The following GLIS3 variants were observed in gnomAD, a reference collection of about 807,000 sequenced individuals.
GLIS3 encodes zinc finger protein GLIS3.
A neutral mutation model predicts 78.6 loss-of-function variants in GLIS3; 53 were observed. That is an observed-to-expected ratio of 0.67 (90% confidence interval 0.54 to 0.85). GLIS3 has a LOEUF of 0.85. Ranked by LOEUF, GLIS3 falls within the 40% of genes least tolerant of loss-of-function variation. GLIS3 has a pLI of 0.00. For synonymous variants in GLIS3, 684 were observed against 509.9 expected (o/e 1.34, Z -4.60); for missense variants, 1,703 against 1,231.1 (o/e 1.38, Z -5.74).
chr9:4,374,103 A>G, the GLIS3 span, among the ~76,000 whole-genome samples: 1 of 152,210 alleles, frequency 6.6e-6, no homozygotes, highest in African/African-American at 2.4e-5. Flanking sequence ...AAATCTGTCC[A>G]CCTGTATTCC....
the GLIS3 span, among the ~76,000 whole-genome samples, chr9:4,474,737 C>G: frequency 1.3e-5 from 2 of 148,322 alleles, no homozygotes; most frequent in Non-Finnish European, 3.0e-5. Context: ...TGTTCTGTCA[C>G]CCAGGCTGGA....
At chr9:4,265,500 G>C (rs559375838) in intron 2 of GLIS3, among the ~76,000 whole-genome samples, 1 of 152,194 alleles carries the variant, frequency 6.6e-6, no homozygotes, top group South Asian at 2.1e-4. Flanking sequence ...CCACTATGCT[G>C]TGCTATATAC....
At chr9:4,077,835 T>C (rs1346027395) in intron 4 of GLIS3, among the ~76,000 whole-genome samples, 1 of 152,190 alleles carries the variant, frequency 6.6e-6, no homozygotes, top group Non-Finnish European at 1.5e-5. Context: ...CCAGCCTCCT[T>C]AGCAGTCTCT....
At chr9:4,229,346 T>G (rs139198804) in intron 2 of GLIS3, among the ~76,000 whole-genome samples, 6 of 152,250 alleles carry the variant, frequency 3.9e-5, no homozygotes, top group Non-Finnish European at 5.9e-5. Flanking sequence ...TTGAAAACAA[T>G]AGTTAATATT....
intron 4 of GLIS3, among the ~76,000 whole-genome samples, chr9:3,988,794 A>G (rs1001252514): frequency 2.0e-5 from 3 of 152,200 alleles, no homozygotes; most frequent in Non-Finnish European, 2.9e-5. Context: ...TGTAAGAAAC[A>G]GCACCATACA....
chr9:4,153,631 G>A (rs1002960989), intron 2 of GLIS3, among the ~76,000 whole-genome samples: 5 of 152,032 alleles, frequency 3.3e-5, no homozygotes, highest in African/African-American at 1.2e-4. Flanking sequence ...GAGAACAGAA[G>A]TATAAAATCA....
At chr9:4,092,203 G>A (rs897758548) in intron 4 of GLIS3, among the ~76,000 whole-genome samples, 2 of 148,392 alleles carry the variant, frequency 1.3e-5, no homozygotes, top group Non-Finnish European at 3.0e-5. Context: ...TCAGACTGGA[G>A]TGGAGTGGCG....
the GLIS3 span, among the ~76,000 whole-genome samples, chr9:4,409,211 T>C: frequency 3.3e-5 from 5 of 152,180 alleles, no homozygotes; most frequent in African/African-American, 1.2e-4. Context: ...TTGGAGTCTG[T>C]TGTTACCAGA....
intron 2 of GLIS3, among the ~76,000 whole-genome samples, chr9:4,276,157 C>T (rs1448780454): frequency 6.6e-6 from 1 of 151,006 alleles, no homozygotes; most frequent in Admixed American, 6.6e-5. Flanking sequence ...GTGACACATG[C>T]CTGTGGTCCC....
intron 4 of GLIS3, among the ~76,000 whole-genome samples, chr9:3,996,404 ATAGAT>A (rs2129856309): frequency 6.6e-6 from 1 of 152,316 alleles, no homozygotes; most frequent in South Asian, 2.1e-4. Flanking sequence ...AAATAGATAG[ATAGAT>A]TCTGGAGGAT....
At chr9:4,365,558 AAAAAAAG>A in the GLIS3 span, among the ~76,000 whole-genome samples, 4 of 151,826 alleles carry the variant, frequency 2.6e-5, no homozygotes, top group Admixed American at 2.0e-4. Context: ...TCCATCTCAA[AAAAAAAG>A]AAAAAAGAAA....
the GLIS3 span, among the ~76,000 whole-genome samples, chr9:4,468,801 G>A: frequency 6.6e-6 from 1 of 152,194 alleles, no homozygotes; most frequent in Non-Finnish European, 1.5e-5. Flanking sequence ...AACCTTAAAT[G>A]TAAATGGGCT....
At chr9:4,283,140 T>C (rs903063598) in intron 2 of GLIS3, among the ~76,000 whole-genome samples, 4 of 152,010 alleles carry the variant, frequency 2.6e-5, no homozygotes, top group African/African-American at 7.2e-5. Flanking sequence ...CTTTGCAGGA[T>C]TGCAAAGCTA....
chr9:4,379,401 G>C, the GLIS3 span, among the ~76,000 whole-genome samples: 1 of 152,216 alleles, frequency 6.6e-6, no homozygotes, highest in Non-Finnish European at 1.5e-5. Flanking sequence ...AAATGCTAAA[G>C]ATAACAACAT....
At chr9:3,873,634 C>T (rs945139745) in intron 8 of GLIS3, among the ~76,000 whole-genome samples, 1 of 151,522 alleles carries the variant, frequency 6.6e-6, no homozygotes, top group African/African-American at 2.4e-5. Flanking sequence ...CATCATATGC[C>T]CCATAAATTT....
chr9:3,865,685 A>T (rs1283915038), intron 8 of GLIS3, among the ~76,000 whole-genome samples: 1 of 152,190 alleles, frequency 6.6e-6, no homozygotes, highest in Non-Finnish European at 1.5e-5. Flanking sequence ...CCTGACTGAA[A>T]ATCCAAGGGG....
chr9:4,385,088 T>TA, the GLIS3 span, among the ~76,000 whole-genome samples: 2 of 152,152 alleles, frequency 1.3e-5, no homozygotes, highest in African/African-American at 4.8e-5. Context: ...TTGAATTTCT[T>TA]AAAAAAGGAA....
intron 2 of GLIS3, among the ~76,000 whole-genome samples, chr9:4,241,544 G>T (rs10974409): frequency 1.3e-5 from 2 of 151,776 alleles, no homozygotes; most frequent in Non-Finnish European, 2.9e-5. Context: ...ATAAAGATTC[G>T]ATCTTTATAA....
intron 4 of GLIS3, among the ~76,000 whole-genome samples, chr9:4,107,969 T>G (rs1053008711): frequency 1.3e-5 from 2 of 152,296 alleles, no homozygotes; most frequent in African/African-American, 4.8e-5. Flanking sequence ...TGCATGCATG[T>G]GTGCACATTT....
Sources: gnomAD v4.1 joint callset for allele counts (sites outside exome capture counted in the v4.1 genomes callset) on GRCh38, gnomAD v4.1.1 for gene constraint, MANE v1.5 for transcripts, NCBI Gene and HGNC (gene_info 2026-07-23, HGNC 2026-07-21) for gene names.